SND1: variants seen among roughly 807,000 people sequenced by gnomAD.
The protein encoded by SND1 is staphylococcal nuclease domain-containing protein 1.
Under a neutral mutation model 121.7 loss-of-function variants are expected in SND1, and 38 were observed. The ratio of observed to expected loss-of-function variants is 0.31; its 90% CI spans 0.24 to 0.41. The LOEUF is 0.41. Ranked by LOEUF, SND1 falls within the 10% of genes least tolerant of loss-of-function variation. The probability of loss-of-function intolerance (pLI) is 1.00; values close to 1 mark genes in which losing one functional copy is unlikely to be tolerated. For missense variants in SND1, 868 were observed against 1,184.6 expected (o/e 0.73, Z 3.92); for synonymous variants, 401 against 447.4 (o/e 0.90, Z 1.31).
At chr7:127,962,151 A>G (rs1029676008) in intron 15 of SND1, among the ~76,000 whole-genome samples, 1 of 152,194 alleles carries the variant, frequency 6.6e-6, no homozygotes, top group South Asian at 2.1e-4. Flanking sequence ...TCTTTGTATA[A>G]GGGAGTATGA....
chr7:127,666,411 T>G (rs769136320), intron 1 of SND1, among the ~76,000 whole-genome samples: 23 of 152,274 alleles, frequency 1.5e-4, no homozygotes, highest in Non-Finnish European at 2.8e-4. Flanking sequence ...AGCTCAGGAC[T>G]CAGATTATCT....
chr7:127,882,424 A>AGGAGAGC (rs1563046163), intron 12 of SND1, among the ~76,000 whole-genome samples: 1 of 52,600 alleles, frequency 1.9e-5, no homozygotes, highest in Non-Finnish European at 3.5e-5. Flanking sequence ...AAAAGAGGAG[A>AGGAGAGC]GGAGGGGAGG....
chr7:127,891,163 A>G (rs1261823088), intron 13 of SND1, among the ~76,000 whole-genome samples: 1 of 152,010 alleles, frequency 6.6e-6, no homozygotes, highest in Non-Finnish European at 1.5e-5. Context: ...CTAGATAGGA[A>G]TGGTGGTTTT....
chr7:127,873,541 C>T (rs927044137), intron 12 of SND1, among the ~76,000 whole-genome samples: 3 of 152,154 alleles, frequency 2.0e-5, no homozygotes, highest in African/African-American at 7.2e-5. Context: ...AACTGTGTCA[C>T]CTACCTCTCA....
chr7:127,894,051 A>C (rs763583267), intron 13 of SND1, among the ~76,000 whole-genome samples: 13 of 152,086 alleles, frequency 8.5e-5, no homozygotes, highest in Non-Finnish European at 1.6e-4. Context: ...TTTCTGTCAC[A>C]GACTTTAGTC....
intron 3 of SND1, among the ~76,000 whole-genome samples, chr7:127,697,847 T>C (rs1796034041): frequency 6.6e-6 from 1 of 152,174 alleles, no homozygotes; most frequent in African/African-American, 2.4e-5. Flanking sequence ...AATGTAAATC[T>C]TACAGAATTT....
intron 15 of SND1, among the ~76,000 whole-genome samples, chr7:127,941,889 G>GTTTTTTTTTT (rs34389081): frequency 8.0e-5 from 8 of 100,224 alleles, no homozygotes; most frequent in African/African-American, 1.2e-4. Flanking sequence ...TTGATAGGGA[G>GTTTTTTTTTT]TTTTTTTTTT....
chr7:127,675,803 C>T (rs1018548083), intron 1 of SND1, among the ~76,000 whole-genome samples: 1 of 152,196 alleles, frequency 6.6e-6, no homozygotes, highest in African/African-American at 2.4e-5. Context: ...CTAGATTTCT[C>T]TTAAATGACA....
intron 16 of SND1, chr7:128,042,469 G>C (rs1322329526): frequency 6.6e-6 from 1 of 152,308 alleles, no homozygotes; most frequent in Non-Finnish European, 1.5e-5. Context: ...GAGACAGTAA[G>C]TGGAAAAGGG....
intron 15 of SND1, among the ~76,000 whole-genome samples, chr7:127,944,409 C>G (rs912912315): frequency 2.6e-5 from 4 of 152,192 alleles, no homozygotes; most frequent in African/African-American, 7.2e-5. Context: ...TGCAAAGGGA[C>G]TCTGTATGCT....
At chr7:127,996,523 G>A (rs1368709854) in intron 16 of SND1, among the ~76,000 whole-genome samples, 2 of 152,124 alleles carry the variant, frequency 1.3e-5, no homozygotes, top group African/African-American at 4.8e-5. Flanking sequence ...CCACAAGAGA[G>A]GGAACACTAG....
rs376503276 is a variant in SND1, at chr7:128,068,456, G to A, written c.1780-6046G>A. On this transcript the variant is annotated intron_variant, in intron 16 of 23. Coordinates refer to ENST00000354725, the MANE Select transcript of SND1 (RefSeq NM_014390.4). ...GAATATGCCTCACTGCTTAGAGAAGGAGAAGGACTTGGTCCCCACTGCCTG... is the reference window on the plus strand; with the variant it reads ...GAATATGCCTCACTGCTTAGAGAAGAAGAAGGACTTGGTCCCCACTGCCTG... Among the ~76,000 whole-genome samples the A allele has an allele frequency of 2.6e-3, 396 of 152,310 alleles. 3 individuals are homozygous for A. The highest frequency in any genetic ancestry group is 8.9e-3 in the African/African-American group (369 of 41,550).
At chr7:127,792,694 G>C (rs1563015194) in intron 10 of SND1, among the ~76,000 whole-genome samples, 1 of 152,192 alleles carries the variant, frequency 6.6e-6, no homozygotes, top group Non-Finnish European at 1.5e-5. Flanking sequence ...GACTAGGACT[G>C]GGACTCCAAG....
At chr7:127,712,132 C>G (rs1796308830) in intron 9 of SND1, among the ~76,000 whole-genome samples, 1 of 151,976 alleles carries the variant, frequency 6.6e-6, no homozygotes, top group Admixed American at 6.6e-5. Context: ...GAAGCAATGA[C>G]CCTAGTGTGG....
intron 12 of SND1, among the ~76,000 whole-genome samples, chr7:127,854,538 CTATT>C (rs59447282): frequency 0.1 from 14,553 of 145,314 alleles, 750 homozygotes; most frequent in Non-Finnish European, 0.11. Flanking sequence ...TACTAGCATT[CTATT>C]TATTTATTTA....
chr7:127,915,909 C>A (rs553808547), intron 14 of SND1, among the ~76,000 whole-genome samples: 4 of 151,864 alleles, frequency 2.6e-5, no homozygotes, highest in Admixed American at 1.3e-4. Flanking sequence ...ATAATTTGGA[C>A]GTTATAGTCC....
intron 10 of SND1, among the ~76,000 whole-genome samples, chr7:127,734,764 A>G (rs1035693394): frequency 2.6e-5 from 4 of 152,220 alleles, no homozygotes; most frequent in Non-Finnish European, 1.5e-5. Flanking sequence ...GAGGCCTTAC[A>G]GTAGTCTTCT....
At position 128,030,384 on chromosome 7, in the gene SND1, T is replaced by C. The variant is rs763851811; in HGVS notation, c.1779+39328T>C. On this transcript the variant is annotated intron_variant, in intron 16 of 23. Coordinates refer to ENST00000354725, the MANE Select transcript of SND1 (RefSeq NM_014390.4). ...GGTGTCGGCCTGGATCATCTGGATG[T>C]TGTTCTCCATGAGGTTGAGGTACCG... 10 of 1,613,952 alleles carry C rather than the reference T, an allele frequency of 6.2e-6. No homozygotes were observed. The South Asian group carries it at 1.1e-4, about 18-fold the overall frequency.
chr7:127,697,868 T>C lies in SND1; in HGVS notation c.350-1007T>C, dbSNP rs75558404. On this transcript the variant is annotated intron_variant, in intron 3 of 23. Transcript: ENST00000354725. Reference sequence around the variant, plus strand: ...AATCTTACAGAATTTTATTATTTGCTGACATTACCTATCAGTTAGACTGCT... The same window carrying C: ...AATCTTACAGAATTTTATTATTTGCCGACATTACCTATCAGTTAGACTGCT... Among the ~76,000 whole-genome samples the C allele has an allele frequency of 6.9e-4, 105 of 152,336 alleles. 5 individuals carry two copies. In the East Asian group the frequency reaches 0.019, roughly 27 times the overall value.
Sources: allele counts gnomAD v4.1 joint callset (sites outside exome capture counted in the v4.1 genomes callset), GRCh38; gene constraint gnomAD v4.1.1; transcripts MANE v1.5; gene names NCBI Gene and HGNC (gene_info 2026-07-23, HGNC 2026-07-21).